The following FTO variants were observed in gnomAD, a reference collection of about 807,000 sequenced individuals.
FTO encodes the protein alpha-ketoglutarate-dependent dioxygenase FTO.
Under a neutral mutation model 63.9 loss-of-function variants are expected in FTO, and 47 were observed. The observed-to-expected ratio is 0.74, with a 90% CI of 0.58 to 0.94. The LOEUF is 0.94. Ranked by LOEUF, FTO falls within the 40% of genes least tolerant of loss-of-function variation. The pLI is 0.00. For synonymous variants in FTO, 207 were observed against 224.4 expected (o/e 0.92, Z 0.69); for missense variants, 562 against 618.1 (o/e 0.91, Z 0.96).
rs181983618 is a variant in FTO at position 54,085,368 on chromosome 16, A to G, written c.1365-26394A>G. ...TTTGGAAAAACACTTTGTCTTCTGC[A>G]TTGGGCCTGTAGGGTCTCTTGATTT... On this transcript the variant is annotated intron_variant, in intron 8 of 8. Coordinates refer to ENST00000471389, the MANE Select transcript of FTO (RefSeq NM_001080432.3). 2.6e-5 allele frequency among the ~76,000 whole-genome samples: 4 copies of G among 152,282 alleles called. No homozygotes were observed. In the East Asian group the frequency reaches 7.7e-4, roughly 29 times the overall value.
chr16:53,862,336 T>C lies in FTO; in HGVS notation c.896-11450T>C, dbSNP rs115687060. Among the ~76,000 whole-genome samples the C allele has an allele frequency of 2.4e-3, 373 of 152,278 alleles. 1 individual carries two copies. The highest frequency in any genetic ancestry group is 8.2e-3 in the African/African-American group (340 of 41,564). ...CTGATATTTGATGTTGGGAGATGTC[T>C]GAGGTGATCTACATTATGGTTTCAT... On this transcript the variant is annotated intron_variant, in intron 4 of 8. Coordinates refer to ENST00000471389, the MANE Select transcript of FTO (RefSeq NM_001080432.3).
At chr16:54,095,319 C>G (rs1400816083) in intron 8 of FTO, among the ~76,000 whole-genome samples, 1 of 152,144 alleles carries the variant, frequency 6.6e-6, no homozygotes, top group African/African-American at 2.4e-5. Flanking sequence ...GGATTACAGG[C>G]GTGAGCCACT....
rs117834707 is a variant in FTO, at chr16:53,932,016, T to A, written c.1240-1969T>A. On this transcript the variant is annotated intron_variant, in intron 7 of 8. Transcript: ENST00000471389. ...GGATCTGAATAGTGCGTGCCTTTTT[T>A]AGGCAGAACATGTGCTGTCTTTCAG... Among the ~76,000 whole-genome samples the A allele has an allele frequency of 1.5e-3, 234 of 152,294 alleles. 3 individuals are homozygous for A. The East Asian group carries it at 0.03, about 19-fold the overall frequency.
At chr16:53,827,348 T>C (rs1390045860) in intron 3 of FTO, among the ~76,000 whole-genome samples, 2 of 152,184 alleles carry the variant, frequency 1.3e-5, no homozygotes, top group African/African-American at 4.8e-5. Flanking sequence ...CTTTTGTGTC[T>C]GATTATTTGG....
At chr16:54,100,384 G>A (rs781101817) in intron 8 of FTO, among the ~76,000 whole-genome samples, 2 of 152,130 alleles carry the variant, frequency 1.3e-5, no homozygotes, top group Non-Finnish European at 2.9e-5. Context: ...ACAGGGTCTT[G>A]CTCTGCCACC....
chr16:53,955,518 A>G (rs1292375678), intron 8 of FTO, among the ~76,000 whole-genome samples: 1 of 152,152 alleles, frequency 6.6e-6, no homozygotes, highest in Non-Finnish European at 1.5e-5. Flanking sequence ...GTGAGATGGG[A>G]TGAGAGAGGA....
chr16:53,723,439 T>A (rs1258097803), intron 1 of FTO, among the ~76,000 whole-genome samples: 1 of 152,156 alleles, frequency 6.6e-6, no homozygotes, highest in Non-Finnish European at 1.5e-5. Context: ...GTAAAATGAG[T>A]GTGTCTGGCC....
chr16:53,774,558 G>A (rs973245876), intron 1 of FTO, among the ~76,000 whole-genome samples: 7 of 152,092 alleles, frequency 4.6e-5, no homozygotes, highest in African/African-American at 1.7e-4. Context: ...TCTTTTAACT[G>A]TGTATCAACT....
chr16:53,815,881 T>G (rs983418574), intron 2 of FTO, among the ~76,000 whole-genome samples: 16 of 151,940 alleles, frequency 1.1e-4, no homozygotes, highest in African/African-American at 3.9e-4. Flanking sequence ...ACTCCTGACC[T>G]CAAGTGATCC....
intron 8 of FTO, among the ~76,000 whole-genome samples, chr16:54,021,062 A>G (rs1018196358): frequency 1.1e-4 from 16 of 152,166 alleles, no homozygotes; most frequent in African/African-American, 2.9e-4. Flanking sequence ...CACATAACAC[A>G]ATGTAGCATG....
intron 7 of FTO, among the ~76,000 whole-genome samples, 174 bp from the exon 8 acceptor site, chr16:53,933,811 G>A (rs1161110198): frequency 6.6e-6 from 1 of 152,154 alleles, no homozygotes; most frequent in Non-Finnish European, 1.5e-5. Context: ...CATGTACATT[G>A]ATTAAATACA....
At chr16:53,864,514 G>T (rs1252759504) in intron 4 of FTO, among the ~76,000 whole-genome samples, 1 of 152,138 alleles carries the variant, frequency 6.6e-6, no homozygotes, top group Admixed American at 6.6e-5. Flanking sequence ...TATGAAATGA[G>T]ATTTCATGCT....
At position 53,801,291 on chromosome 16, in the gene FTO, C is replaced by T. The variant is rs571973782; in HGVS notation, c.46-8849C>T. Among the ~76,000 whole-genome samples the T allele has an allele frequency of 8.0e-5, 12 of 150,940 alleles. No individual in the cohort carries two copies. The South Asian group carries it at 1.0e-3, about 13-fold the overall frequency. Reference sequence around the variant, plus strand: ...TTTCTGGTATCCATCTTTATCGTATCGGAATCTTTCTTGAAGTATTACTGT... The same window carrying T: ...TTTCTGGTATCCATCTTTATCGTATTGGAATCTTTCTTGAAGTATTACTGT... On this transcript the variant is annotated intron_variant, in intron 1 of 8. Coordinates refer to ENST00000471389, the MANE Select transcript of FTO (RefSeq NM_001080432.3).
rs567292064 is a variant in FTO at position 53,816,337 on chromosome 16, G to A, written c.123+6120G>A. Among the ~76,000 whole-genome samples, 13 of 152,182 alleles carry A rather than the reference G, an allele frequency of 8.5e-5. No individual in the cohort carries two copies. The South Asian group carries it at 1.0e-3, about 12-fold the overall frequency. ...CCTGGTCTAGTTTAACACAGCATCCGGAATGATCTTTGAAAACATAAATCA... is the reference window on the plus strand; with the variant it reads ...CCTGGTCTAGTTTAACACAGCATCCAGAATGATCTTTGAAAACATAAATCA... On this transcript the variant is annotated intron_variant, in intron 2 of 8. Transcript: ENST00000471389.
At chr16:53,868,557 CAT>C (rs139589825) in intron 4 of FTO, among the ~76,000 whole-genome samples, 17 of 151,270 alleles carry the variant, frequency 1.1e-4, no homozygotes, top group African/African-American at 1.7e-4. Context: ...GGCACACATA[CAT>C]ATATATATAT....
rs1599390541 is a variant in FTO at position 54,115,952 on chromosome 16, C to G, written c.*4037C>G. 1 of 152,238 alleles carries G rather than the reference C, an allele frequency of 6.6e-6. No homozygotes were observed. The highest frequency in any genetic ancestry group is 6.5e-5 in the Admixed American group (1 of 15,288). 9.4% of individuals were successfully genotyped at this position (152,238 alleles called of 1,614,324 possible). ...AGATTGCCTGCCTACAGAGTTCACT[C>G]TAAACAGCCCCTCCCCTCCACACCC... On this transcript the variant is annotated 3_prime_UTR_variant, in exon 9 of 9. Transcript: ENST00000471389.
chr16:53,831,671 G>A (rs955212646), intron 3 of FTO, among the ~76,000 whole-genome samples: 1 of 152,200 alleles, frequency 6.6e-6, no homozygotes, highest in Non-Finnish European at 1.5e-5. Flanking sequence ...TGTAACAAGG[G>A]TGAGGGATAA....
chr16:54,080,415 T>C (rs555431618), intron 8 of FTO, among the ~76,000 whole-genome samples: 1 of 152,330 alleles, frequency 6.6e-6, no homozygotes, highest in African/African-American at 2.4e-5. Context: ...CGTTGAGTCC[T>C]TACAGTAGCT....
At chr16:53,705,788 C>T (rs938038127) in intron 1 of FTO, among the ~76,000 whole-genome samples, 4 of 152,188 alleles carry the variant, frequency 2.6e-5, no homozygotes, top group Non-Finnish European at 4.4e-5. Flanking sequence ...ATGTCTTTCT[C>T]ATCTTTCAGG....
Sources: allele counts gnomAD v4.1 joint callset (sites outside exome capture counted in the v4.1 genomes callset), GRCh38; gene constraint gnomAD v4.1.1; transcripts MANE v1.5; gene names NCBI Gene and HGNC (gene_info 2026-07-23, HGNC 2026-07-21).